The following PDZD2 variants were observed in gnomAD, a reference collection of about 807,000 sequenced individuals.
The protein encoded by PDZD2 is PDZ domain-containing protein 2.
A neutral mutation model predicts 220.7 loss-of-function variants in PDZD2; 90 were observed. That is an observed-to-expected ratio of 0.41 (90% CI 0.34 to 0.49). PDZD2 has a LOEUF of 0.49. PDZD2 is among the 20% of genes least tolerant of loss of function. The pLI, the probability that PDZD2 is intolerant of heterozygous loss-of-function variation, is 0.28. For missense variants in PDZD2, 3,174 were observed against 3,608.5 expected, an observed-to-expected ratio of 0.88 and a Z score of 3.08; for synonymous variants, 1,375 against 1,450.5, an observed-to-expected ratio of 0.95 and a Z score of 1.18.
intron 17 of PDZD2, 35 bp from the exon 18 acceptor site, chr5:32,073,797 A>G (rs776682876): frequency 6.8e-6 from 10 of 1,460,224 alleles, no homozygotes; most frequent in South Asian, 3.8e-5. Context: ...GGGAAGCTCA[A>G]TTTCACTTGA....
In PDZD2 at chr5:32,087,168, G is replaced by A. The variant is rs778583893; in HGVS notation, c.3720G>A (p.Gly1240=). The A allele has an allele frequency of 1.2e-6, 2 of 1,613,518 alleles. No individual in the cohort carries two copies. Among genetic ancestry groups the A allele is most frequent in the Non-Finnish European group, 1.7e-6 (2 of 1,179,568 alleles). The change falls in exon 20 of 25, where the codon GGG becomes GGA. Residue 1240 remains glycine, a synonymous_variant. Coordinates refer to ENST00000438447, the MANE Select transcript of PDZD2 (RefSeq NM_178140.4). This position sits in a 1 kb window ranked among gnomAD's most constrained non-coding sequence, Gnocchi z 4.0. ...CCTCAGACCTCATCTCTTCCCCAGGGAAGAAGGGGGCCGCTCATCCTGACC... is the reference window on the plus strand; with the variant it reads ...CCTCAGACCTCATCTCTTCCCCAGGAAAGAAGGGGGCCGCTCATCCTGACC... ...DSSSDLISSP[G]KKGAAHPDPS... is the part of the protein sequence containing the mutation.
chr5:31,961,818 A>AT (rs1748260475), intron 2 of PDZD2, among the ~76,000 whole-genome samples: 1 of 152,000 alleles, frequency 6.6e-6, no homozygotes, highest in African/African-American at 2.4e-5. Context: ...TAATTTCTGT[A>AT]TTTTTAGTAG....
At chr5:31,776,694 G>T (rs1331200327) in intron 1 of PDZD2, among the ~76,000 whole-genome samples, 1 of 151,204 alleles carries the variant, frequency 6.6e-6, no homozygotes, top group African/African-American at 2.4e-5. Flanking sequence ...TGTCGCCCAG[G>T]CTGGAGTGCA....
chr5:31,665,417 A>T (rs960560015), intron 1 of PDZD2, among the ~76,000 whole-genome samples: 1 of 152,054 alleles, frequency 6.6e-6, no homozygotes, highest in Non-Finnish European at 1.5e-5. Context: ...CTGGTCTTTT[A>T]TGGAGGCAAA....
At chr5:31,710,746 G>A (rs1034556130) in intron 1 of PDZD2, among the ~76,000 whole-genome samples, 1 of 151,750 alleles carries the variant, frequency 6.6e-6, no homozygotes, top group Non-Finnish European at 1.5e-5. Context: ...AACCTGGGAG[G>A]TGGAGGTTGC....
chr5:31,649,689 C>T (rs1745270610), intron 1 of PDZD2, among the ~76,000 whole-genome samples: 1 of 152,038 alleles, frequency 6.6e-6, no homozygotes, highest in Admixed American at 6.5e-5. Flanking sequence ...AATCCCAGCA[C>T]TCTGGGAGGC....
chr5:31,922,022 A>G (rs1473765699), intron 2 of PDZD2, among the ~76,000 whole-genome samples: 1 of 152,162 alleles, frequency 6.6e-6, no homozygotes, highest in Non-Finnish European at 1.5e-5. Context: ...TTTTAGATAG[A>G]GTTTAAGACC....
In PDZD2 at chr5:32,073,568, C is replaced by T. The variant is rs143780049; in HGVS notation, c.2726-264C>T. 7.6e-3 allele frequency among the ~76,000 whole-genome samples: 1,110 copies of T among 146,724 alleles called. 24 individuals are homozygous for T. Among genetic ancestry groups the T allele is most frequent in the African/African-American group, 0.027 (1,064 of 39,196 alleles). On this transcript the variant is annotated intron_variant, in intron 17 of 24. Transcript: ENST00000438447. ...TAAGTTTCTGTCTTCCAACAGCACA[C>T]GTTTGAGTTAATCCAGAGGTTGGGG... is the stretch of plus-strand genomic sequence containing the variant.
intron 2 of PDZD2, among the ~76,000 whole-genome samples, chr5:31,908,082 C>CAAAAAAA (rs55741622): frequency 3.9e-4 from 30 of 76,894 alleles, no homozygotes; most frequent in African/African-American, 1.6e-3. Context: ...GGCTCCGTCT[C>CAAAAAAA]AAAAAAAAAA....
intron 1 of PDZD2, among the ~76,000 whole-genome samples, chr5:31,785,862 T>C (rs575465135): frequency 2.0e-5 from 3 of 151,912 alleles, no homozygotes; most frequent in Non-Finnish European, 4.4e-5. Context: ...TCCTAGTTCC[T>C]CTCCATTTAT....
chr5:32,074,450 G>A lies in PDZD2; in HGVS notation c.3344G>A (p.Gly1115Asp), dbSNP rs1561514119. 1.6e-5 allele frequency: 26 copies of A among 1,614,078 alleles called. No homozygotes were observed. Among genetic ancestry groups the A allele is most frequent in the East Asian group, 2.2e-5 (1 of 44,870 alleles). The stretch of plus-strand genomic sequence containing the variant: ...CCCCAGCAGAAAAGTGAAGGCCTGG[G>A]CTCCAGGCACAGACCAGTGGCCAGG... Reference protein sequence around the residue: ...SSPQQKSEGLGSRHRPVARVS... With the variant: ...SSPQQKSEGLDSRHRPVARVS... The change falls in exon 18 of 25, where the codon GGC (glycine) becomes GAC (aspartate). Residue 1115 changes from glycine to aspartate, a missense_variant. By Grantham distance (94) the Gly-to-Asp change is moderately conservative. Transcript: ENST00000438447.
intron 1 of PDZD2, among the ~76,000 whole-genome samples, chr5:31,694,480 T>C (rs556859371): frequency 7.2e-5 from 11 of 152,214 alleles, no homozygotes; most frequent in African/African-American, 1.4e-4. Context: ...AGCCATAGGG[T>C]GTCTTGGCTT....
intron 9 of PDZD2, 53 bp downstream of exon 9, chr5:32,052,783 T>C: frequency 6.4e-7 from 1 of 1,569,698 alleles, no homozygotes; most frequent in Non-Finnish European, 8.7e-7. Context: ...TTAGCACACA[T>C]TTTTTGTTTT....
chr5:31,826,201 G>A (rs1409701465), intron 2 of PDZD2, among the ~76,000 whole-genome samples: 2 of 152,094 alleles, frequency 1.3e-5, no homozygotes, highest in Admixed American at 1.3e-4. Context: ...TTGGTTTCAT[G>A]CCCGGCTGTG....
chr5:31,888,021 G>A (rs1740675169), intron 2 of PDZD2, among the ~76,000 whole-genome samples: 1 of 152,092 alleles, frequency 6.6e-6, no homozygotes, highest in African/African-American at 2.4e-5. Flanking sequence ...CCTATTTTTC[G>A]AGCCTGGGTT....
At chr5:31,713,057 G>A (rs1207587577) in intron 1 of PDZD2, among the ~76,000 whole-genome samples, 1 of 152,220 alleles carries the variant, frequency 6.6e-6, no homozygotes, top group Non-Finnish European at 1.5e-5. Context: ...ACTTTGTCAA[G>A]CTTCAGTGCC....
intron 5 of PDZD2, among the ~76,000 whole-genome samples, chr5:32,002,757 C>CCCACACA (rs1324265137): frequency 3.8e-5 from 1 of 26,154 alleles, no homozygotes; most frequent in Admixed American, 4.3e-4. Context: ...ACACACACAC[C>CCCACACA]CCACACACCA....
intron 7 of PDZD2, among the ~76,000 whole-genome samples, chr5:32,040,136 C>A (rs533624782): frequency 1.3e-5 from 2 of 148,650 alleles, no homozygotes; most frequent in South Asian, 4.3e-4. Flanking sequence ...CCTGGCCGCC[C>A]AGTCTAGGAG....
At position 32,089,288 on chromosome 5, in the gene PDZD2, C is replaced by A; in HGVS notation, c.5840C>A (p.Thr1947Asn). 2 of 1,614,172 alleles carry A rather than the reference C, an allele frequency of 1.2e-6. No individual in the cohort carries two copies. The highest frequency in any genetic ancestry group is 1.7e-6 in the Non-Finnish European group (2 of 1,180,010). The change falls in exon 20 of 25, where the codon ACC (threonine) becomes AAC (asparagine). Residue 1947 changes from threonine to asparagine, a missense_variant. By Grantham distance (65) the Thr-to-Asn change is moderately conservative. Around this residue, in one of 4 missense-constraint regions of PDZD2, gnomAD observed 1,861 missense variants for 2,001.0 expected, o/e 0.93. Transcript: ENST00000438447. Reference sequence around the variant, plus strand: ...GACCACGAGGACCCTGACAGAAACACCACAGCTGCCCCCAGGTCCCCCCAG... The same window carrying A: ...GACCACGAGGACCCTGACAGAAACAACACAGCTGCCCCCAGGTCCCCCCAG... ...VADHEDPDRN[T>N]TAAPRSPQCV... is the part of the protein sequence containing the mutation.
Sources: allele counts gnomAD v4.1 joint callset (sites outside exome capture counted in the v4.1 genomes callset), GRCh38; gene constraint gnomAD v4.1.1; regional missense constraint gnomAD v4.1.1; non-coding constraint Gnocchi (gnomAD v3.1); transcripts MANE v1.5; gene names NCBI Gene and HGNC (gene_info 2026-07-23, HGNC 2026-07-21).